The following GPC5 variants were observed in gnomAD, a reference collection of about 807,000 sequenced individuals.
GPC5 encodes glypican 5.
GPC5 carries 47 observed loss-of-function variants against 53.9 expected under a neutral mutation model. That is an observed-to-expected ratio of 0.87 (90% CI 0.69 to 1.11). GPC5 has a LOEUF of 1.11. Ranked by LOEUF, GPC5 falls within the 50% of genes most tolerant of loss-of-function variation. GPC5 has a pLI of 0.00. For missense variants in GPC5, 748 were observed against 713.1 expected, an observed-to-expected ratio of 1.05 and a Z score of -0.56; for synonymous variants, 286 against 263.3, an observed-to-expected ratio of 1.09 and a Z score of -0.84.
intron 2 of GPC5, among the ~76,000 whole-genome samples, chr13:91,455,557 AC>A (rs1881483244): frequency 6.6e-6 from 1 of 152,152 alleles, no homozygotes; most frequent in Non-Finnish European, 1.5e-5. Context: ...GAGGATGTAT[AC>A]CATGTTGTAT....
At chr13:91,673,814 C>T (rs774900424) in intron 2 of GPC5, among the ~76,000 whole-genome samples, 5 of 152,114 alleles carry the variant, frequency 3.3e-5, no homozygotes, top group Non-Finnish European at 5.9e-5. Flanking sequence ...CCATCAAAAA[C>T]GAAAGGTCTA....
chr13:91,946,720 A>T (rs1490118080), intron 6 of GPC5, among the ~76,000 whole-genome samples: 1 of 152,124 alleles, frequency 6.6e-6, no homozygotes, highest in Admixed American at 6.5e-5. Flanking sequence ...ACCTTCTCTC[A>T]TCTGAAAGTG....
chr13:92,107,130 A>G (rs866232914), intron 6 of GPC5, among the ~76,000 whole-genome samples: 2 of 152,138 alleles, frequency 1.3e-5, no homozygotes, highest in Middle Eastern at 3.4e-3. Flanking sequence ...GCCGTTTTTC[A>G]GTTGGTGACA....
chr13:92,490,900 A>G (rs1237401016), intron 7 of GPC5, among the ~76,000 whole-genome samples: 1 of 152,094 alleles, frequency 6.6e-6, no homozygotes, highest in Non-Finnish European at 1.5e-5. Context: ...AAATCTTTGT[A>G]CTTATCATGA....
chr13:92,544,334 A>C (rs1594291920), intron 7 of GPC5, among the ~76,000 whole-genome samples: 1 of 152,154 alleles, frequency 6.6e-6, no homozygotes, highest in Admixed American at 6.5e-5. Context: ...ATTTAATAGA[A>C]AGGTGTTTTC....
At chr13:91,761,272 C>G (rs1015042574) in intron 5 of GPC5, among the ~76,000 whole-genome samples, 6 of 152,082 alleles carry the variant, frequency 3.9e-5, no homozygotes, top group Non-Finnish European at 5.9e-5. Flanking sequence ...TGTTAAGTAC[C>G]TTTTTGAAGA....
intron 7 of GPC5, among the ~76,000 whole-genome samples, chr13:92,748,414 A>G (rs1475185074): frequency 1.3e-5 from 2 of 151,152 alleles, no homozygotes; most frequent in African/African-American, 4.9e-5. Flanking sequence ...GCTCACTGCA[A>G]CCTCTGCCTC....
At chr13:92,255,875 G>A (rs907898189) in intron 7 of GPC5, among the ~76,000 whole-genome samples, 17 of 151,948 alleles carry the variant, frequency 1.1e-4, no homozygotes, top group African/African-American at 4.1e-4. Flanking sequence ...AGACTTGCTA[G>A]CTTTAAAAAA....
intron 2 of GPC5, among the ~76,000 whole-genome samples, chr13:91,522,108 G>A (rs867649863): frequency 8.5e-5 from 13 of 152,188 alleles, no homozygotes; most frequent in Admixed American, 3.3e-4. Flanking sequence ...TTAGCTATTC[G>A]GAACCCTTCC....
intron 2 of GPC5, among the ~76,000 whole-genome samples, chr13:91,561,326 A>T (rs150967014): frequency 1.3e-3 from 196 of 152,278 alleles, no homozygotes; most frequent in African/African-American, 4.5e-3. Flanking sequence ...CTGGAATTTC[A>T]CTTAACTCTA....
intron 7 of GPC5, among the ~76,000 whole-genome samples, chr13:92,614,217 T>G (rs1884605201): frequency 6.6e-6 from 1 of 152,178 alleles, no homozygotes; most frequent in Non-Finnish European, 1.5e-5. Context: ...TAAATGACCA[T>G]ATCTTAATGA....
chr13:92,548,511 C>A (rs1340012670), intron 7 of GPC5, among the ~76,000 whole-genome samples: 1 of 151,414 alleles, frequency 6.6e-6, no homozygotes, highest in African/African-American at 2.4e-5. Flanking sequence ...AATATCCAAG[C>A]CTTTCTTTCT....
rs534261201 is a variant in GPC5 at position 92,471,067 on chromosome 13, G to A, written c.1561+326078G>A. Among the ~76,000 whole-genome samples the A allele has an allele frequency of 3.3e-5, 5 of 152,164 alleles. No homozygotes were observed. In the East Asian group the frequency reaches 7.8e-4, roughly 24 times the overall value. On this transcript the variant is annotated intron_variant, in intron 7 of 7. Coordinates refer to ENST00000377067, the MANE Select transcript of GPC5 (RefSeq NM_004466.6). Reference sequence around the variant, plus strand: ...CAGTGAGCCCCTCTCCATGCAGCTGGGAGGGCAGCCGTGTCCTTATCGGGG... The same window carrying A: ...CAGTGAGCCCCTCTCCATGCAGCTGAGAGGGCAGCCGTGTCCTTATCGGGG...
At chr13:92,436,278 G>T (rs749372742) in intron 7 of GPC5, among the ~76,000 whole-genome samples, 1 of 149,742 alleles carries the variant, frequency 6.7e-6, no homozygotes, top group Non-Finnish European at 1.5e-5. Flanking sequence ...ACACAATCTG[G>T]TATATGAATG....
At chr13:91,424,777 G>T (rs1398852194) in intron 1 of GPC5, among the ~76,000 whole-genome samples, 1 of 152,110 alleles carries the variant, frequency 6.6e-6, no homozygotes, top group Non-Finnish European at 1.5e-5. Context: ...GTGAAGGCTG[G>T]CAATCTGGTA....
At chr13:91,835,990 A>G (rs1455707200) in intron 5 of GPC5, among the ~76,000 whole-genome samples, 1 of 152,094 alleles carries the variant, frequency 6.6e-6, no homozygotes, top group Admixed American at 6.6e-5. Context: ...ACCATTTACT[A>G]AAGTCTTTAC....
At position 92,866,423 on chromosome 13, in the gene GPC5, T is replaced by G. The variant is rs746537784; in HGVS notation, c.1703T>G (p.Leu568Arg). The change falls in exon 8 of 8, where the codon CTT becomes CGT. Residue 568 changes from leucine (L) to arginine (R), a missense_variant. Coordinates refer to ENST00000377067, the MANE Select transcript of GPC5 (RefSeq NM_004466.6). Reference sequence around the variant, plus strand: ...ACTCTGATAAGTGTGGTGATGTTACTTCCCGGGATTTGGTAACTGAACTCT... The same window carrying G: ...ACTCTGATAAGTGTGGTGATGTTACGTCCCGGGATTTGGTAACTGAACTCT... ...TFTLISVVMLLPGIW is the reference protein window; with the variant it reads ...TFTLISVVMLRPGIW 2.5e-6 allele frequency: 4 copies of G among 1,604,644 alleles called. No homozygotes were observed. The highest frequency in any genetic ancestry group is 2.6e-6 in the Non-Finnish European group (3 of 1,174,294).
chr13:91,733,826 T>C (rs1324813427), intron 4 of GPC5, among the ~76,000 whole-genome samples: 1 of 152,172 alleles, frequency 6.6e-6, no homozygotes, highest in African/African-American at 2.4e-5. Context: ...TATTTCTTTC[T>C]CTTGTCTGAT....
chr13:92,764,738 G>A (rs182650762), intron 7 of GPC5, among the ~76,000 whole-genome samples: 151 of 152,094 alleles, frequency 9.9e-4, no homozygotes, highest in African/African-American at 3.4e-3. Context: ...TATTTTCATC[G>A]AAATGTAATT....
Sources: gnomAD v4.1 joint callset for allele counts (sites outside exome capture counted in the v4.1 genomes callset) on GRCh38, gnomAD v4.1.1 for gene constraint, MANE v1.5 for transcripts, NCBI Gene and HGNC (gene_info 2026-07-23, HGNC 2026-07-21) for gene names.